LRRC8A: variants seen among roughly 807,000 people sequenced by gnomAD.
The protein encoded by LRRC8A is volume-regulated anion channel subunit LRRC8A.
A neutral mutation model predicts 52.5 loss-of-function variants in LRRC8A; 24 were observed. That is an observed-to-expected ratio of 0.46 (90% CI 0.33 to 0.64). The LOEUF is 0.64. Among genes scored for constraint, LRRC8A ranks in the 30% least tolerant of loss-of-function variants. The pLI is 0.02. For synonymous variants in LRRC8A, 492 were observed against 494.2 expected (o/e 1.00, Z 0.06); for missense variants, 677 against 1,094.7 (o/e 0.62, Z 5.38).
intron 2 of LRRC8A, among the ~76,000 whole-genome samples, chr9:128,887,958 C>G (rs1018456622): frequency 1.3e-5 from 2 of 152,136 alleles, no homozygotes; most frequent in Non-Finnish European, 2.9e-5. Flanking sequence ...GACCTCTTTC[C>G]CATGCAAGAG....
intron 2 of LRRC8A, among the ~76,000 whole-genome samples, chr9:128,903,413 T>G (rs892955329): frequency 1.1e-4 from 14 of 126,880 alleles, no homozygotes; most frequent in African/African-American, 4.8e-4. Context: ...GGTGCTGTTC[T>G]TTTTTTTTTT....
At chr9:128,897,412 C>T (rs1839858294) in intron 2 of LRRC8A, among the ~76,000 whole-genome samples, 3 of 151,770 alleles carry the variant, frequency 2.0e-5, no homozygotes, top group Admixed American at 2.0e-4. Flanking sequence ...AGGATTCCGC[C>T]ATGTTGGCCA....
At chr9:128,885,634 G>A (rs1330314883) in intron 1 of LRRC8A, among the ~76,000 whole-genome samples, 2 of 152,186 alleles carry the variant, frequency 1.3e-5, no homozygotes, top group Non-Finnish European at 2.9e-5. Flanking sequence ...TCTGCCAGGC[G>A]CGGTGGCTCA....
In LRRC8A at chr9:128,911,146, C is replaced by G. The variant is rs1395785068; in HGVS notation, c.2157+1825C>G. On this transcript the variant is annotated intron_variant, in intron 3 of 3. Coordinates refer to ENST00000372600, the MANE Select transcript of LRRC8A (RefSeq NM_019594.4). This position sits in a 1 kb window ranked among gnomAD's most constrained non-coding sequence, Gnocchi z 4.9. ...TGGCCCCTGGAATGCCCTGTCTGTC[C>G]TCCTGGGCCCCAGGACAGGACACAC... 6.6e-6 allele frequency among the ~76,000 whole-genome samples: 1 copy of G among 152,142 alleles called. No individual in the cohort carries two copies. The highest frequency in any genetic ancestry group is 2.4e-5 in the African/African-American group (1 of 41,434).
At position 128,899,780 on chromosome 9, in the gene LRRC8A, A is replaced by C. The variant is rs1472479605; in HGVS notation, c.-8-7377A>C. Among the ~76,000 whole-genome samples, 3 of 152,146 alleles carry C rather than the reference A, an allele frequency of 2.0e-5. No individual in the cohort carries two copies. The highest frequency in any genetic ancestry group is 2.9e-5 in the Non-Finnish European group (2 of 68,028). ...GTCGTGTTTAAGGGGTGTGGGTTTC[A>C]GTTTAACGAGATGAAGAGAGTTCTG... On this transcript the variant is annotated intron_variant, in intron 2 of 3. Coordinates refer to ENST00000372600, the MANE Select transcript of LRRC8A (RefSeq NM_019594.4). This position sits in a 1 kb window ranked among gnomAD's most constrained non-coding sequence, Gnocchi z 4.0.
At position 128,892,418 on chromosome 9, in the gene LRRC8A, G is replaced by T. The variant is rs1412134383; in HGVS notation, c.-9+6297G>T. 6.6e-6 allele frequency among the ~76,000 whole-genome samples: 1 copy of T among 152,202 alleles called. No individual in the cohort carries two copies. The highest frequency in any genetic ancestry group is 1.9e-4 in the East Asian group (1 of 5,196). On this transcript the variant is annotated intron_variant, in intron 2 of 3. Coordinates refer to ENST00000372600, the MANE Select transcript of LRRC8A (RefSeq NM_019594.4). The surrounding 1 kb of genome is among the most constrained non-coding windows in gnomAD (Gnocchi z 5.2). ...CCACGCCCTTGCAAGTTGGTGTGAGGATGAACCTGTTTGGGAGCCCAGCCC... is the reference window on the plus strand; with the variant it reads ...CCACGCCCTTGCAAGTTGGTGTGAGTATGAACCTGTTTGGGAGCCCAGCCC...
rs1406872773 is a variant in LRRC8A, at chr9:128,909,207, C to G, written c.2043C>G (p.Leu681=). 18 of 1,614,076 alleles carry G rather than the reference C, an allele frequency of 1.1e-5. No homozygotes were observed. The highest frequency in any genetic ancestry group is 1.4e-5 in the Non-Finnish European group (16 of 1,180,058). The change falls in exon 3 of 4, where the codon CTC becomes CTG. Residue 681 remains leucine (L), a synonymous_variant. Transcript: ENST00000372600. ...AGATCGAGAAGATCCCCACCCAGCT[C>G]TTCTACTGCCGCAAGCTGCGCTACC... The part of the protein sequence containing the change: ...RNKIEKIPTQ[L]FYCRKLRYLD...
At position 128,907,070 on chromosome 9, in the gene LRRC8A, A is replaced by C; in HGVS notation, c.-8-87A>C. The C allele has an allele frequency of 8.8e-7, 1 of 1,139,562 alleles. No homozygotes were observed. 70.6% of individuals were successfully genotyped at this position (1,139,562 alleles called of 1,614,324 possible). On this transcript the variant is annotated intron_variant, in intron 2 of 3. Coordinates refer to ENST00000372600, the MANE Select transcript of LRRC8A (RefSeq NM_019594.4). The surrounding 1 kb of genome is among the most constrained non-coding windows in gnomAD (Gnocchi z 9.3). Reference sequence around the variant, plus strand: ...GAGGTGGAATTTTGGACAATGGAAGAATTTTCATTGTCTTCTTCCCCTGAC... The same window carrying C: ...GAGGTGGAATTTTGGACAATGGAAGCATTTTCATTGTCTTCTTCCCCTGAC...
In LRRC8A at chr9:128,908,385, C is replaced by T. The variant is rs951558952; in HGVS notation, c.1221C>T (p.Leu407=). ...AGAACAAGCTGCGGCAGCTGAACCT[C>T]AACAACGAGTGGACGCTGGACAAGC... ...VSENKLRQLN[L]NNEWTLDKLR... The change falls in exon 3 of 4, where the codon CTC becomes CTT. Residue 407 remains leucine, a synonymous_variant. Transcript: ENST00000372600. 6 of 1,613,930 alleles carry T rather than the reference C, an allele frequency of 3.7e-6. No homozygotes were observed. Among genetic ancestry groups the T allele is most frequent in the Non-Finnish European group, 5.1e-6 (6 of 1,180,046 alleles).
At position 128,916,104 on chromosome 9, in the gene LRRC8A, G is replaced by A. The variant is rs1335497677; in HGVS notation, c.2166G>A (p.Thr722=). ...NLAITANRIE[T]LPPELFQCRK... ...TGCTTTTTTCCCTCCAGATCGAGACGCTCCCTCCGGAGCTCTTCCAGTGCC... is the reference window on the plus strand; with the variant it reads ...TGCTTTTTTCCCTCCAGATCGAGACACTCCCTCCGGAGCTCTTCCAGTGCC... The change falls in exon 4 of 4, where the codon ACG becomes ACA. Residue 722 remains threonine (T), a synonymous_variant. Coordinates refer to ENST00000372600, the MANE Select transcript of LRRC8A (RefSeq NM_019594.4). This position sits in a 1 kb window ranked among gnomAD's most constrained non-coding sequence, Gnocchi z 6.1. 8.1e-6 allele frequency: 13 copies of A among 1,603,838 alleles called. No individual in the cohort carries two copies. The highest frequency in any genetic ancestry group is 1.3e-5 in the African/African-American group (1 of 74,718).
intron 2 of LRRC8A, among the ~76,000 whole-genome samples, chr9:128,901,829 C>T (rs1164554973): frequency 1.3e-5 from 2 of 152,172 alleles, no homozygotes; most frequent in African/African-American, 4.8e-5. Context: ...CTCTGACCAC[C>T]CGGCTGGCTC....
At chr9:128,885,968 G>A (rs112927945) in intron 1 of LRRC8A, 47 bp from the exon 2 acceptor site, 6,116 of 152,368 alleles carry the variant, frequency 0.04, 139 homozygotes, top group Middle Eastern at 0.075. Context: ...AGGTAACTGC[G>A]ACAGTCACAC....
intron 2 of LRRC8A, among the ~76,000 whole-genome samples, chr9:128,900,916 T>G (rs534203974): frequency 6.6e-6 from 1 of 152,168 alleles, no homozygotes; most frequent in East Asian, 1.9e-4. Flanking sequence ...GGCTCACACC[T>G]GTAATCCCCG....
At position 128,908,106 on chromosome 9, in the gene LRRC8A, G is replaced by A; in HGVS notation, c.942G>A (p.Leu314=). ...GCACCTACCGCTGTGCCCACCCCCT[G>A]GCCACACTCTTCAAGATCCTGGCGT... ...GYRTYRCAHP[L]ATLFKILASF... is the part of the protein sequence containing the mutation. Residue 314 remains leucine, a synonymous_variant, in exon 3 of 4, where the codon CTG becomes CTA. Coordinates refer to ENST00000372600, the MANE Select transcript of LRRC8A (RefSeq NM_019594.4). 1 of 1,613,908 alleles carries A rather than the reference G, an allele frequency of 6.2e-7. No homozygotes were observed. The highest frequency in any genetic ancestry group is 2.2e-5 in the East Asian group (1 of 44,878).
intron 1 of LRRC8A, chr9:128,885,063 C>A: frequency 6.5e-6 from 1 of 153,052 alleles, no homozygotes; most frequent in Admixed American, 6.5e-5. Flanking sequence ...TCCTTTGGCT[C>A]TCTCTGGTGG....
At chr9:128,904,449 C>T (rs956233838) in intron 2 of LRRC8A, among the ~76,000 whole-genome samples, 7 of 151,976 alleles carry the variant, frequency 4.6e-5, no homozygotes, top group Non-Finnish European at 7.4e-5. Flanking sequence ...ACCCAGGAGG[C>T]GGAGGCTGTG....
rs58876901 is a variant in LRRC8A at position 128,898,039 on chromosome 9, AGTGTGTGTGTGTGTGTGTGTGTGTGT to A, written c.-8-9095_-8-9070del. On this transcript the variant is annotated intron_variant, in intron 2 of 3. Coordinates refer to ENST00000372600, the MANE Select transcript of LRRC8A (RefSeq NM_019594.4). ...TCTAACCTCACTTCTAAGATTGTTC[AGTGTGTGTGTGTGTGTGTGTGTGTGT>A]GTGTGTGTGTGTGTGTGTGTGTAAT... Among the ~76,000 whole-genome samples the A allele has an allele frequency of 6.8e-4, 93 of 136,488 alleles. 2 individuals carry two copies. Among genetic ancestry groups the A allele is most frequent in the Admixed American group, 3.6e-3 (48 of 13,438 alleles). The allele number at this position is 136,488 out of a possible 152,430, so 89.5% of individuals were successfully genotyped here. A position where few individuals can be genotyped will look rare whatever the true frequency, so the allele number is the denominator to read the frequency against.
chr9:128,906,568 C>G (rs1840260338), intron 2 of LRRC8A, among the ~76,000 whole-genome samples: 1 of 152,130 alleles, frequency 6.6e-6, no homozygotes, highest in South Asian at 2.1e-4. Flanking sequence ...GGTGATCCAC[C>G]CACCTCGGCC....
Position 128,916,477 on chromosome 9 carries a change from C to T in LRRC8A, c.*106C>T, listed in dbSNP as rs980163301. 1.6e-5 allele frequency: 22 copies of T among 1,398,494 alleles called. No individual in the cohort carries two copies. In the East Asian group the frequency reaches 2.7e-4, roughly 17 times the overall value. 86.6% of individuals were successfully genotyped at this position (1,398,494 alleles called of 1,614,324 possible). On this transcript the variant is annotated 3_prime_UTR_variant, in exon 4 of 4. Coordinates refer to ENST00000372600, the MANE Select transcript of LRRC8A (RefSeq NM_019594.4). The surrounding 1 kb of genome is among the most constrained non-coding windows in gnomAD (Gnocchi z 6.1). The stretch of plus-strand genomic sequence containing the variant: ...AACTCCCGGACAGCCAGGACAGCCT[C>T]GTGGCTGGGCAGGAGCCTGGGGCCG...
Sources: gnomAD v4.1 joint callset for allele counts (sites outside exome capture counted in the v4.1 genomes callset) on GRCh38, gnomAD v4.1.1 for gene constraint, Gnocchi (gnomAD v3.1) non-coding constraint, MANE v1.5 for transcripts, NCBI Gene and HGNC (gene_info 2026-07-23, HGNC 2026-07-21) for gene names.